PLEKHG7: variants seen among roughly 807,000 people sequenced by gnomAD.
PLEKHG7 encodes pleckstrin homology and RhoGEF domain containing G7.
In PLEKHG7, 77 loss-of-function variants were observed where a neutral mutation model predicts 85.2. The ratio of observed to expected loss-of-function variants is 0.90; its 90% CI spans 0.75 to 1.09. PLEKHG7 has a LOEUF of 1.09. Among genes scored for constraint, PLEKHG7 ranks in the 50% least tolerant of loss-of-function variants. The pLI, the probability that PLEKHG7 is intolerant of heterozygous loss-of-function variation, is 0.00. For missense variants in PLEKHG7, 777 were observed against 804.3 expected (o/e 0.97, Z 0.41); for synonymous variants, 301 against 302.4 (o/e 1.00, Z 0.05).
chr12:92,705,077 G>T (rs1871195252), intron 1 of PLEKHG7, among the ~76,000 whole-genome samples: 1 of 152,214 alleles, frequency 6.6e-6, no homozygotes, highest in African/African-American at 2.4e-5. Context: ...CAGATTAAAA[G>T]AAACAAAGAG....
chr12:92,753,270 C>T (rs931254742), intron 10 of PLEKHG7, among the ~76,000 whole-genome samples: 4 of 152,110 alleles, frequency 2.6e-5, no homozygotes, highest in Admixed American at 6.5e-5. Flanking sequence ...CCAGCAACCA[C>T]GTCCATGCCT....
intron 3 of PLEKHG7, among the ~76,000 whole-genome samples, chr12:92,727,496 C>T (rs541861680): frequency 3.3e-5 from 5 of 152,156 alleles, no homozygotes; most frequent in South Asian, 2.1e-4. Flanking sequence ...CACTTATAAG[C>T]GAGAGAATGT....
intron 5 of PLEKHG7, among the ~76,000 whole-genome samples, chr12:92,733,313 C>G (rs891037823): frequency 1.3e-5 from 2 of 152,196 alleles, no homozygotes; most frequent in Admixed American, 6.5e-5. Flanking sequence ...TGAGCACACA[C>G]AGACGCTCAG....
At chr12:92,739,171 C>T (rs1244024615) in intron 7 of PLEKHG7, among the ~76,000 whole-genome samples, 1 of 151,674 alleles carries the variant, frequency 6.6e-6, no homozygotes, top group Non-Finnish European at 1.5e-5. Flanking sequence ...AGCTAATGGC[C>T]AGAGAGAGAG....
At chr12:92,754,325 C>A in intron 11 of PLEKHG7, 61 bp downstream of exon 11, 1 of 1,501,084 alleles carries the variant, frequency 6.7e-7, no homozygotes, top group Non-Finnish European at 9.2e-7. Context: ...TCCTGGAAAC[C>A]TTCTGGGCTT....
chr12:92,733,014 T>C (rs1166879637), intron 5 of PLEKHG7, among the ~76,000 whole-genome samples: 1 of 152,230 alleles, frequency 6.6e-6, no homozygotes, highest in African/African-American at 2.4e-5. Flanking sequence ...TGCCTCATTC[T>C]GTTAAAAATC....
chr12:92,732,080 T>C (rs1162304232), intron 4 of PLEKHG7, among the ~76,000 whole-genome samples, 153 bp from the exon 5 acceptor site: 1 of 152,188 alleles, frequency 6.6e-6, no homozygotes, highest in Non-Finnish European at 1.5e-5. Context: ...AATATAAATA[T>C]TCATTTTGTG....
At chr12:92,726,482 G>A (rs539143861) in intron 3 of PLEKHG7, among the ~76,000 whole-genome samples, 1 of 152,268 alleles carries the variant, frequency 6.6e-6, no homozygotes, top group East Asian at 1.9e-4. Context: ...GATTACATTG[G>A]TCAGTAAACA....
intron 5 of PLEKHG7, among the ~76,000 whole-genome samples, chr12:92,735,392 G>A (rs773408772): frequency 3.3e-5 from 5 of 152,200 alleles, no homozygotes; most frequent in East Asian, 1.9e-4. Flanking sequence ...ACTATGACAC[G>A]GTCTCCTTTC....
intron 3 of PLEKHG7, among the ~76,000 whole-genome samples, chr12:92,713,759 CTCT>C (rs1314019332): frequency 3.9e-5 from 6 of 152,186 alleles, no homozygotes; most frequent in Non-Finnish European, 7.3e-5. Flanking sequence ...GGATCCCTTC[CTCT>C]ACATTAAACT....
chr12:92,732,905 G>A (rs1439363346), intron 5 of PLEKHG7, among the ~76,000 whole-genome samples: 2 of 152,066 alleles, frequency 1.3e-5, no homozygotes, highest in African/African-American at 4.8e-5. Flanking sequence ...GTTTTCTAGG[G>A]GGAGAAAAGG....
At chr12:92,707,796 A>T (rs1871281599) in intron 3 of PLEKHG7, 124 bp downstream of exon 3, 18 of 1,506,000 alleles carry the variant, frequency 1.2e-5, no homozygotes, top group Non-Finnish European at 1.6e-5. Flanking sequence ...GTTTTATAGC[A>T]CTCAAGTCAC....
At chr12:92,769,197 G>C (rs1454396124) in intron 16 of PLEKHG7, 117 bp downstream of exon 16, 11 of 704,346 alleles carry the variant, frequency 1.6e-5, no homozygotes, top group Non-Finnish European at 2.5e-5. Flanking sequence ...CACTTGGGAA[G>C]GGCAGATTTG....
rs1056450979 is a variant in PLEKHG7, at chr12:92,707,602, G to A, written c.508-48G>A. The A allele has an allele frequency of 5.0e-6, 8 of 1,598,586 alleles. No individual in the cohort carries two copies. The African/African-American group carries it at 5.3e-5, about 11-fold the overall frequency. On this transcript the variant is annotated intron_variant, in intron 2 of 16. Coordinates refer to ENST00000344636, the MANE Select transcript of PLEKHG7 (RefSeq NM_001377329.1). ...TCAACATGTTTGCTTTGGAGTTTGG[G>A]ATGGGTTTGAGCAAGACTAAAACAT... is the stretch of plus-strand genomic sequence containing the variant.
At chr12:92,737,589 C>T (rs1872196956) in intron 7 of PLEKHG7, 68 bp downstream of exon 7, 4 of 1,427,982 alleles carry the variant, frequency 2.8e-6, no homozygotes, top group Non-Finnish European at 1.9e-6. Context: ...ACTTGTTTTC[C>T]TCTTCTGAAA....
Position 92,761,825 on chromosome 12 carries a change from CA to C in PLEKHG7, c.1715del (p.Lys572ArgfsTer10). ...FLLVTKTKCN[K>X]KKLGGSDPGL... ...TCTTAGTTACGAAAACTAAGTGCAA[CA>C]AAAAGGTAAAATGCTGCTATTTCAA... On this transcript the variant is annotated frameshift_variant, in exon 14 of 17. Transcript: ENST00000344636. LOFTEE classifies it high-confidence loss of function. 1 of 1,575,532 alleles carries C rather than the reference CA, an allele frequency of 6.3e-7. No individual in the cohort carries two copies. The highest frequency in any genetic ancestry group is 1.4e-5 in the African/African-American group (1 of 72,146).
chr12:92,727,218 C>A (rs1178799592), intron 3 of PLEKHG7, among the ~76,000 whole-genome samples: 1 of 152,170 alleles, frequency 6.6e-6, no homozygotes, highest in South Asian at 2.1e-4. Context: ...TGGTCTGAAC[C>A]ATGAACCTGC....
rs1469863461 is a variant in PLEKHG7 at position 92,732,235 on chromosome 12, T to G, written c.661T>G (p.Ser221Ala). The G allele has an allele frequency of 8.1e-7, 1 of 1,230,962 alleles. No individual in the cohort carries two copies. The highest frequency in any genetic ancestry group is 1.0e-6 in the Non-Finnish European group (1 of 987,050). The allele number at this position is 1,230,962 out of a possible 1,614,324, so 76.3% of individuals were successfully genotyped here. A position where few individuals can be genotyped will look rare whatever the true frequency, so the allele number is the denominator to read the frequency against. Residue 221 changes from serine (S) to alanine (A), a missense_variant and splice_region_variant, in exon 5 of 17, where the codon TCC becomes GCC. Around this residue, in one of 3 missense-constraint regions of PLEKHG7, gnomAD observed 520 missense variants for 544.0 expected, o/e 0.96. Transcript: ENST00000344636. ...ATATTGTCTTTAATTTCACCCAGAA[T>G]CCAAAAAGCCAAGATGGCCTTTCTC... ...CHPLLLLNSE[S>A]KKPRWPFSKR...
chr12:92,728,691 T>C (rs1472047476), intron 3 of PLEKHG7, among the ~76,000 whole-genome samples: 1 of 152,168 alleles, frequency 6.6e-6, no homozygotes, highest in Non-Finnish European at 1.5e-5. Context: ...CTATGGTGAA[T>C]AGTGCTGCAA....
Sources: gnomAD v4.1 joint callset for allele counts (sites outside exome capture counted in the v4.1 genomes callset) on GRCh38, gnomAD v4.1.1 for gene constraint, gnomAD v4.1.1 regional missense constraint, MANE v1.5 for transcripts, NCBI Gene and HGNC (gene_info 2026-07-23, HGNC 2026-07-21) for gene names.